KIF24: variants seen among roughly 807,000 people sequenced by gnomAD.
KIF24 encodes kinesin family member 24, also known as kinesin-like protein KIF24.
Under a neutral mutation model 118.9 loss-of-function variants are expected in KIF24, and 81 were observed. The observed-to-expected ratio is 0.68, with a 90% confidence interval of 0.57 to 0.82. The LOEUF (loss-of-function observed/expected upper bound fraction) is 0.82, where lower values mean the gene tolerates loss of function less well. Among genes scored for constraint, KIF24 ranks in the 40% least tolerant of loss-of-function variants. KIF24 has a pLI of 0.00. For synonymous variants in KIF24, 599 were observed against 610.0 expected, an observed-to-expected ratio of 0.98 and a Z score of 0.27; for missense variants, 1,560 against 1,661.6, an observed-to-expected ratio of 0.94 and a Z score of 1.06.
At chr9:34,288,620 T>G (rs969217779) in intron 5 of KIF24, among the ~76,000 whole-genome samples, 2 of 150,740 alleles carry the variant, frequency 1.3e-5, no homozygotes, top group Non-Finnish European at 3.0e-5. Flanking sequence ...ATTAAATGGA[T>G]ATATATATAT....
chr9:34,331,443 A>G (rs1224230710), upstream of KIF24, among the ~76,000 whole-genome samples: 1 of 152,176 alleles, frequency 6.6e-6, no homozygotes, highest in Non-Finnish European at 1.5e-5. Flanking sequence ...TGCTCTATTA[A>G]CTTCAATAGC....
chr9:34,330,735 G>A (rs1416810713), upstream of KIF24, among the ~76,000 whole-genome samples: 1 of 152,158 alleles, frequency 6.6e-6, no homozygotes, highest in East Asian at 1.9e-4. Flanking sequence ...GCCGAGGCGG[G>A]CGGATCACGA....
At chr9:34,313,747 T>G (rs987210145) in intron 1 of KIF24, among the ~76,000 whole-genome samples, 7 of 150,516 alleles carry the variant, frequency 4.7e-5, no homozygotes, top group Admixed American at 3.3e-4. Flanking sequence ...TGTTTTTTTT[T>G]TTTTGTTTTT....
chr9:34,255,982 G>A lies in KIF24; in HGVS notation c.3625C>T (p.Arg1209Ter), dbSNP rs376947280. Residue 1209 changes from arginine to a stop codon, truncating the protein, a stop_gained, in exon 11 of 13, where the codon CGA (arginine) becomes TGA (stop). Transcript: ENST00000402558. LOFTEE classifies it high-confidence loss of function. ...VPHSGPTLTPRTGSSDVADQL... is the reference protein window; with the variant it reads ...VPHSGPTLTP ...TCAGCCACATCACTACTTCCTGTTC[G>A]TGGGGTGAGTGTAGGTCCAGAATGG... 3.7e-6 allele frequency: 6 copies of A among 1,613,954 alleles called. No homozygotes were observed. The highest frequency in any genetic ancestry group is 4.5e-5 in the East Asian group (2 of 44,878).
chr9:34,326,740 T>C (rs1837683458), intron 1 of KIF24, among the ~76,000 whole-genome samples: 1 of 152,108 alleles, frequency 6.6e-6, no homozygotes, highest in Non-Finnish European at 1.5e-5. Context: ...GGGGCCAGAT[T>C]ATGTAGGGTG....
At chr9:34,309,984 T>A (rs558716804) in intron 2 of KIF24, among the ~76,000 whole-genome samples, 1,597 of 150,590 alleles carry the variant, frequency 0.011, 25 homozygotes, top group African/African-American at 0.036. Context: ...TTTTTTTTTT[T>A]ACAAGATTAA....
chr9:34,319,485 G>A (rs779361753), intron 1 of KIF24: 19 of 1,290,550 alleles, frequency 1.5e-5, no homozygotes, highest in Non-Finnish European at 1.8e-5. Context: ...GGACACAGAC[G>A]GCAACTCCTT....
In KIF24 at chr9:34,310,988, C is replaced by T. The variant is rs773065802; in HGVS notation, c.359G>A (p.Ser120Asn). ...NASNDGFEMCSLSDFSANEQK... is the reference protein window; with the variant it reads ...NASNDGFEMCNLSDFSANEQK... The stretch of plus-strand genomic sequence containing the variant: ...TTCATTTGCAGAGAAATCTGATAAA[C>T]TGCACATTTCAAACCCATCATTGCT... Residue 120 changes from serine (S) to asparagine (N), a missense_variant, in exon 2 of 13, where the codon AGT becomes AAT. Ser to Asn is a conservative substitution (Grantham distance 46). This residue lies in a region of KIF24 where 964 missense variants were observed against 988.0 expected (regional missense o/e 0.98). Transcript: ENST00000402558. 3 of 1,613,988 alleles carry T rather than the reference C, an allele frequency of 1.9e-6. No homozygotes were observed. In the Admixed American group the frequency reaches 5.0e-5, roughly 27 times the overall value.
At chr9:34,270,527 A>AG (rs1202407008) in intron 7 of KIF24, among the ~76,000 whole-genome samples, 4 of 151,342 alleles carry the variant, frequency 2.6e-5, no homozygotes, top group Non-Finnish European at 4.4e-5. Flanking sequence ...AAAAAAAAAA[A>AG]AAAAGAAAAG....
intron 3 of KIF24, among the ~76,000 whole-genome samples, chr9:34,303,264 A>T (rs560099744): frequency 6.6e-6 from 1 of 152,230 alleles, no homozygotes; most frequent in East Asian, 1.9e-4. Context: ...AGGCCAGACC[A>T]CGTAGAGTCT....
intron 1 of KIF24, chr9:34,319,415 C>A: frequency 1.0e-6 from 1 of 955,826 alleles, no homozygotes; most frequent in Non-Finnish European, 1.7e-6. Context: ...ACTTGTCACG[C>A]ATGCCACACA....
intron 8 of KIF24, among the ~76,000 whole-genome samples, chr9:34,264,539 C>A (rs2131685588): frequency 6.6e-6 from 1 of 152,138 alleles, no homozygotes; most frequent in East Asian, 1.9e-4. Context: ...TTAGCAGCAG[C>A]CACAGATGCC....
At chr9:34,319,002 T>C in intron 1 of KIF24, 2 of 1,224,508 alleles carry the variant, frequency 1.6e-6, no homozygotes, top group Non-Finnish European at 2.4e-6. Context: ...GGCGCCCTGC[T>C]TGTCAACACC....
In KIF24 at chr9:34,311,197, G is replaced by C. The variant is rs16935508; in HGVS notation, c.150C>G (p.Asp50Glu). 5.4e-3 allele frequency: 8,693 copies of C among 1,613,358 alleles called. 312 individuals carry two copies. In the East Asian group the frequency reaches 0.11, roughly 21 times the overall value. The change falls in exon 2 of 13, where the codon GAC becomes GAG. Residue 50 changes from aspartate (D) to glutamate (E), a missense_variant. Physicochemically the swap from Asp to Glu is conservative, Grantham distance 45 (BLOSUM62 2). This residue lies in a region of KIF24 where 964 missense variants were observed against 988.0 expected (regional missense o/e 0.98). Transcript: ENST00000402558. ...YSKLGVHDMN[D>E]RKRLFQLIKI... is the part of the protein sequence containing the mutation. Reference sequence around the variant, plus strand: ...TGATAAGTTGGAAGAGACGTTTGCGGTCGTTCATGTCATGGACTCCTAATT... The same window carrying C: ...TGATAAGTTGGAAGAGACGTTTGCGCTCGTTCATGTCATGGACTCCTAATT...
chr9:34,284,373 A>G (rs1835960478), intron 6 of KIF24, among the ~76,000 whole-genome samples: 1 of 152,222 alleles, frequency 6.6e-6, no homozygotes, highest in Non-Finnish European at 1.5e-5. Flanking sequence ...CTCTGTACAG[A>G]AATACATGTA....
intron 3 of KIF24, among the ~76,000 whole-genome samples, chr9:34,303,769 A>C (rs1587958217): frequency 6.6e-6 from 1 of 152,282 alleles, no homozygotes; most frequent in Non-Finnish European, 1.5e-5. Flanking sequence ...GGATCATTTG[A>C]GCTCAGGAGA....
At chr9:34,328,723 C>T (rs1837762707) in intron 1 of KIF24, among the ~76,000 whole-genome samples, 1 of 152,142 alleles carries the variant, frequency 6.6e-6, no homozygotes, top group Non-Finnish European at 1.5e-5. Flanking sequence ...ACCTCAAAGG[C>T]TTCAAAATTT....
At chr9:34,277,804 T>A (rs1835710011) in intron 6 of KIF24, among the ~76,000 whole-genome samples, 1 of 152,218 alleles carries the variant, frequency 6.6e-6, no homozygotes, top group Admixed American at 6.5e-5. Flanking sequence ...AATGAGGCAG[T>A]CTGTGAATAT....
rs1017415865 is a variant in KIF24 at position 34,318,313 on chromosome 9, G to A, written c.-25-6942C>T. 30 of 575,772 alleles carry A rather than the reference G, an allele frequency of 5.2e-5. No homozygotes were observed. The highest frequency in any genetic ancestry group is 6.8e-5 in the Non-Finnish European group (22 of 322,974). 35.7% of individuals were successfully genotyped at this position (575,772 alleles called of 1,614,324 possible). On this transcript the variant is annotated intron_variant, in intron 1 of 12. Coordinates refer to ENST00000402558, the MANE Select transcript of KIF24 (RefSeq NM_194313.4). This position sits in a 1 kb window ranked among gnomAD's most constrained non-coding sequence, Gnocchi z 4.9. ...GTCGCGGCTCGAGAGCGAGACTCCC[G>A]TCTTGGAGCCAGCCCAGCCCAACCC... is the stretch of plus-strand genomic sequence containing the variant.
Sources: allele counts gnomAD v4.1 joint callset (sites outside exome capture counted in the v4.1 genomes callset), GRCh38; gene constraint gnomAD v4.1.1; regional missense constraint gnomAD v4.1.1; non-coding constraint Gnocchi (gnomAD v3.1); transcripts MANE v1.5; gene names NCBI Gene and HGNC (gene_info 2026-07-23, HGNC 2026-07-21).